PRKCQ: variants seen among roughly 807,000 people sequenced by gnomAD.
PRKCQ encodes the protein protein kinase C theta.
A neutral mutation model predicts 91.2 loss-of-function variants in PRKCQ; 41 were observed. The observed-to-expected ratio is 0.45, with a 90% CI of 0.35 to 0.58. PRKCQ has a LOEUF of 0.58. Among genes scored for constraint, PRKCQ ranks in the 20% least tolerant of loss-of-function variants. The pLI is 0.00. For missense variants in PRKCQ, 673 were observed against 896.5 expected, an observed-to-expected ratio of 0.75 and a Z score of 3.18; for synonymous variants, 307 against 316.9, an observed-to-expected ratio of 0.97 and a Z score of 0.33.
chr10:6,505,206 A>G (rs1838126037), intron 4 of PRKCQ, among the ~76,000 whole-genome samples: 1 of 152,158 alleles, frequency 6.6e-6, no homozygotes, highest in Non-Finnish European at 1.5e-5. Flanking sequence ...CTTTATTCTT[A>G]AAACATTTCC....
intron 4 of PRKCQ, among the ~76,000 whole-genome samples, chr10:6,502,628 T>G (rs1837980433): frequency 1.3e-5 from 2 of 152,192 alleles, no homozygotes; most frequent in South Asian, 4.1e-4. Flanking sequence ...CATCGTTACT[T>G]CTAGGACCAC....
chr10:6,445,837 A>G (rs987516780), intron 15 of PRKCQ, among the ~76,000 whole-genome samples: 4 of 152,266 alleles, frequency 2.6e-5, no homozygotes, highest in Non-Finnish European at 4.4e-5. Flanking sequence ...TTGCTGGGCC[A>G]GGGACACATG....
intron 12 of PRKCQ, among the ~76,000 whole-genome samples, chr10:6,469,031 T>G (rs2130731029): frequency 6.6e-6 from 1 of 152,304 alleles, no homozygotes; most frequent in Non-Finnish European, 1.5e-5. Flanking sequence ...TGTATTAACT[T>G]TATCACATAC....
At chr10:6,565,246 C>G (rs76623669) in intron 1 of PRKCQ, among the ~76,000 whole-genome samples, 1 of 151,966 alleles carries the variant, frequency 6.6e-6, no homozygotes, top group East Asian at 1.9e-4. Flanking sequence ...ATATTTAGAC[C>G]CATAGGTCTA....
intron 1 of PRKCQ, among the ~76,000 whole-genome samples, chr10:6,552,991 GA>G (rs369524592): frequency 1.8e-4 from 28 of 152,054 alleles, no homozygotes; most frequent in Middle Eastern, 3.4e-3. Context: ...AAAAAACATT[GA>G]AAAAAAGTGG....
intron 15 of PRKCQ, 93 bp downstream of exon 15, chr10:6,456,581 T>C: frequency 6.8e-7 from 1 of 1,478,596 alleles, no homozygotes; most frequent in South Asian, 1.3e-5. Flanking sequence ...TGAATGAAGA[T>C]ATTTAAAACC....
intron 15 of PRKCQ, among the ~76,000 whole-genome samples, chr10:6,455,334 A>G (rs1834947874): frequency 6.6e-6 from 1 of 152,236 alleles, no homozygotes; most frequent in South Asian, 2.1e-4. Context: ...TTATTTAATC[A>G]ATAAGCCTCG....
At chr10:6,544,425 G>A (rs925406625) in intron 1 of PRKCQ, among the ~76,000 whole-genome samples, 1 of 152,074 alleles carries the variant, frequency 6.6e-6, no homozygotes, top group Admixed American at 6.6e-5. Flanking sequence ...TATTGTTAAC[G>A]GCAAGGAGAG....
intron 1 of PRKCQ, among the ~76,000 whole-genome samples, chr10:6,542,846 T>C (rs954336506): frequency 1.3e-5 from 2 of 152,224 alleles, no homozygotes; most frequent in African/African-American, 4.8e-5. Flanking sequence ...GTTAGGAATA[T>C]GCCTGGGAAA....
chr10:6,447,177 G>A (rs1231855453), intron 15 of PRKCQ, among the ~76,000 whole-genome samples: 2 of 152,096 alleles, frequency 1.3e-5, no homozygotes, highest in Admixed American at 6.5e-5. Flanking sequence ...GGGAGGCCAA[G>A]GCGGGCGGAT....
At chr10:6,515,231 T>C (rs769845859) in intron 1 of PRKCQ, 87 bp from the exon 2 acceptor site, 1 of 1,588,180 alleles carries the variant, frequency 6.3e-7, no homozygotes, top group South Asian at 1.1e-5. Context: ...CAGTGCTTTA[T>C]CATGGACAGC....
intron 11 of PRKCQ, 109 bp downstream of exon 11, chr10:6,483,331 A>G (rs775431341): frequency 3.0e-4 from 426 of 1,412,580 alleles, no homozygotes; most frequent in Non-Finnish European, 3.9e-4. Context: ...GCTGTCTCTG[A>G]CACTCACATG....
chr10:6,402,400 C>T, the PRKCQ span, among the ~76,000 whole-genome samples: 1 of 135,618 alleles, frequency 7.4e-6, no homozygotes, highest in Non-Finnish European at 1.6e-5. Flanking sequence ...AAAAGCTGAG[C>T]TTCATCTATT....
chr10:6,573,058 T>C (rs1043815817), intron 1 of PRKCQ, among the ~76,000 whole-genome samples: 36 of 152,234 alleles, frequency 2.4e-4, no homozygotes, highest in African/African-American at 8.7e-4. Flanking sequence ...ACAGATTTAA[T>C]GTGTCCCAAA....
intron 16 of PRKCQ, among the ~76,000 whole-genome samples, chr10:6,433,636 C>T (rs1379630361): frequency 6.6e-6 from 1 of 152,154 alleles, no homozygotes; most frequent in African/African-American, 2.4e-5. Context: ...TTCATCACCA[C>T]TGTGCAATCC....
the PRKCQ span, among the ~76,000 whole-genome samples, chr10:6,399,036 C>G: frequency 6.6e-6 from 1 of 152,194 alleles, no homozygotes; most frequent in Non-Finnish European, 1.5e-5. Flanking sequence ...GCTGAGATTA[C>G]AGGCATATCA....
At chr10:6,440,727 A>T (rs2132256186) in intron 16 of PRKCQ, among the ~76,000 whole-genome samples, 1 of 152,292 alleles carries the variant, frequency 6.6e-6, no homozygotes. Flanking sequence ...GGTGGCTCAC[A>T]TCTGTAGTCC....
At chr10:6,404,590 TTTTTCTC>T in the PRKCQ span, among the ~76,000 whole-genome samples, 4 of 149,330 alleles carry the variant, frequency 2.7e-5, no homozygotes, top group African/African-American at 7.4e-5. Context: ...TTTCTTTCTT[TTTTTCTC>T]TCTCTCTTTC....
At chr10:6,511,672 T>C (rs480992) in intron 2 of PRKCQ, among the ~76,000 whole-genome samples, 117,001 of 152,092 alleles carry the variant, frequency 0.77, 45,362 homozygotes, top group Admixed American at 0.86. Flanking sequence ...AACAGGAACT[T>C]GGGAGGGGTA....
Sources: allele counts gnomAD v4.1 joint callset (sites outside exome capture counted in the v4.1 genomes callset), GRCh38; gene constraint gnomAD v4.1.1; transcripts MANE v1.5; gene names NCBI Gene and HGNC (gene_info 2026-07-23, HGNC 2026-07-21).